The following DNMT1 variants were observed in gnomAD, a reference collection of about 807,000 sequenced individuals.
The protein encoded by DNMT1 is DNA (cytosine-5)-methyltransferase 1.
DNMT1 carries 24 observed loss-of-function variants against 205.3 expected under a neutral mutation model. The ratio of observed to expected loss-of-function variants is 0.12; its 90% confidence interval spans 0.08 to 0.16. The LOEUF is 0.16. Ranked by LOEUF, DNMT1 falls within the 10% of genes least tolerant of loss-of-function variation. DNMT1 has a pLI of 1.00. For missense variants in DNMT1, 1,293 were observed against 2,177.7 expected (o/e 0.59, Z 8.09); for synonymous variants, 817 against 839.8 (o/e 0.97, Z 0.47).
chr19:10,155,361 A>G (rs1037501125), intron 19 of DNMT1, among the ~76,000 whole-genome samples: 4 of 151,404 alleles, frequency 2.6e-5, no homozygotes, highest in Non-Finnish European at 5.9e-5. Context: ...AGGGGAGGAC[A>G]GAGTCTTGCT....
chr19:10,151,458 G>A lies in DNMT1; in HGVS notation c.2205C>T (p.His735=), dbSNP rs750971646. The change falls in exon 24 of 41, where the codon CAC becomes CAT. Residue 735 remains histidine (H), a synonymous_variant. Coordinates refer to ENST00000359526, the MANE Select transcript of DNMT1 (RefSeq NM_001130823.3). This position sits in a 1 kb window ranked among gnomAD's most constrained non-coding sequence, Gnocchi z 5.0. ...TGTTCTGTTTCTTCTTCTTCCCCTG[G>A]TGCATTTTTTTGGGTGACGGCATCT... The part of the protein sequence containing the change: ...IPEMPSPKKM[H]QGKKKKQNKN... The A allele has an allele frequency of 9.9e-6, 16 of 1,614,064 alleles. No individual in the cohort carries two copies. In the Admixed American group the frequency reaches 1.5e-4, roughly 15 times the overall value.
chr19:10,147,645 A>G (rs143196914), intron 27 of DNMT1, among the ~76,000 whole-genome samples: 2,703 of 152,110 alleles, frequency 0.018, 93 homozygotes, highest in African/African-American at 0.062. Context: ...AATAGAGATC[A>G]AGCCAAAGCT....
At chr19:10,160,253 A>G (rs2038540989) in intron 14 of DNMT1, 131 bp downstream of exon 14, 2 of 1,528,034 alleles carry the variant, frequency 1.3e-6, no homozygotes, top group Non-Finnish European at 8.9e-7. Flanking sequence ...CCTTGGTCCT[A>G]TGTTCACCAA....
intron 9 of DNMT1, 106 bp from the exon 10 acceptor site, chr19:10,168,470 C>G (rs2145345474): frequency 1.7e-6 from 2 of 1,185,824 alleles, no homozygotes; most frequent in Non-Finnish European, 2.5e-6. Context: ...CTAGAGTCCA[C>G]TGGTGGGAGT....
In DNMT1 at chr19:10,135,579, G is replaced by A. The variant is rs761602800; in HGVS notation, c.4773+157C>T. 1.3e-5 allele frequency: 10 copies of A among 754,330 alleles called. No individual in the cohort carries two copies. In the South Asian group the frequency reaches 1.5e-4, roughly 12 times the overall value. The allele number at this position is 754,330 out of a possible 1,614,324, so 46.7% of individuals were successfully genotyped here. On this transcript the variant is annotated intron_variant, in intron 39 of 40. Transcript: ENST00000359526. ...AGCCTGACTCGGATGTCTCAGCACT[G>A]TCCCTCCTGTGGGCCGTCTTCCCAC...
Position 10,160,080 on chromosome 19 carries a change from A to C in DNMT1, c.1044-17T>G. On this transcript the variant is annotated splice_polypyrimidine_tract_variant and intron_variant, in intron 14 of 40. Coordinates refer to ENST00000359526, the MANE Select transcript of DNMT1 (RefSeq NM_001130823.3). ...TTCTCCGTTCTGGGGGAAAAAAAAAAATCACAAGATCGTTTGTTTAATTGT... is the reference window on the plus strand; with the variant it reads ...TTCTCCGTTCTGGGGGAAAAAAAAACATCACAAGATCGTTTGTTTAATTGT... The C allele has an allele frequency of 6.3e-7, 1 of 1,589,494 alleles. No homozygotes were observed. The highest frequency in any genetic ancestry group is 2.3e-5 in the East Asian group (1 of 43,122).
intron 1 of DNMT1, among the ~76,000 whole-genome samples, chr19:10,183,346 C>G (rs2039117691): frequency 6.6e-6 from 1 of 151,882 alleles, no homozygotes; most frequent in African/African-American, 2.4e-5. Context: ...AACTCCCGAC[C>G]TCAGGCGATC....
intron 27 of DNMT1, among the ~76,000 whole-genome samples, chr19:10,147,835 C>T (rs930673477): frequency 2.6e-5 from 4 of 151,764 alleles, no homozygotes; most frequent in East Asian, 1.9e-4. Context: ...AAAAGCTCGC[C>T]GGGCGCGGTG....
At chr19:10,145,982 C>T (rs2038191337) in intron 28 of DNMT1, among the ~76,000 whole-genome samples, 2 of 152,080 alleles carry the variant, frequency 1.3e-5, no homozygotes, top group African/African-American at 4.8e-5. Context: ...GCGCGCACCA[C>T]CACACCCGGC....
Position 10,142,228 on chromosome 19 carries a change from C to T in DNMT1, c.3117-8G>A, listed in dbSNP as rs769623856. On this transcript the variant is annotated splice_region_variant and splice_polypyrimidine_tract_variant and intron_variant, in intron 29 of 40. Transcript: ENST00000359526. Reference sequence around the variant, plus strand: ...TTGTGGGTGTTCTCAGGCCTGCGAGCGGGAGAGGCCTCGTTAGGAGCTCTC... The same window carrying T: ...TTGTGGGTGTTCTCAGGCCTGCGAGTGGGAGAGGCCTCGTTAGGAGCTCTC... The T allele has an allele frequency of 8.7e-6, 14 of 1,613,680 alleles. No homozygotes were observed. Among genetic ancestry groups the T allele is most frequent in the Middle Eastern group, 1.6e-4 (1 of 6,084 alleles).
At chr19:10,163,855 C>A (rs1400607821) in intron 11 of DNMT1, among the ~76,000 whole-genome samples, 2 of 152,242 alleles carry the variant, frequency 1.3e-5, no homozygotes, top group East Asian at 1.9e-4. Flanking sequence ...CCAGCCTGGG[C>A]AACATGCTGA....
chr19:10,146,642 T>C lies in DNMT1; in HGVS notation c.2721-118A>G, dbSNP rs2038210557. 3.0e-6 allele frequency: 4 copies of C among 1,326,314 alleles called. No homozygotes were observed. The highest frequency in any genetic ancestry group is 4.2e-5 in the Admixed American group (2 of 47,180). 82.2% of individuals were successfully genotyped at this position (1,326,314 alleles called of 1,614,324 possible). A position where few individuals can be genotyped will look rare whatever the true frequency, so the allele number is the denominator to read the frequency against. On this transcript the variant is annotated intron_variant, in intron 27 of 40. Transcript: ENST00000359526. The surrounding 1 kb of genome is among the most constrained non-coding windows in gnomAD (Gnocchi z 4.4). ...ACCAAGAGGAAAAAACATTTGCAGA[T>C]GCTAGAAGGAAGAGGTGGCTTTCTT...
chr19:10,141,714 G>A, intron 30 of DNMT1: 1 of 387,570 alleles, frequency 2.6e-6, no homozygotes, highest in Non-Finnish European at 4.8e-6. Flanking sequence ...AGTCAGGCTG[G>A]TGGAAGCTGC....
intron 9 of DNMT1, among the ~76,000 whole-genome samples, chr19:10,170,543 C>G (rs1011308657): frequency 2.0e-5 from 3 of 152,064 alleles, no homozygotes; most frequent in Admixed American, 1.3e-4. Context: ...ACTCGGGAGG[C>G]TAAGGCAGGA....
intron 5 of DNMT1, among the ~76,000 whole-genome samples, chr19:10,177,933 T>TAA (rs937561804): frequency 8.7e-5 from 10 of 115,032 alleles, no homozygotes; most frequent in Admixed American, 6.6e-4. Context: ...CCCTGTCTCT[T>TAA]AAAAAAAAAA....
chr19:10,193,700 G>C (rs1195088248), intron 1 of DNMT1, among the ~76,000 whole-genome samples: 1 of 151,844 alleles, frequency 6.6e-6, no homozygotes, highest in Middle Eastern at 3.2e-3. Context: ...AAAAAAGCGG[G>C]GGTTGAACCA....
chr19:10,162,563 C>G (rs1316544774), intron 13 of DNMT1, 104 bp downstream of exon 13: 2 of 1,262,554 alleles, frequency 1.6e-6, no homozygotes, highest in East Asian at 5.0e-5. Flanking sequence ...CGCCACCACG[C>G]CCAGTCTTCT....
intron 24 of DNMT1, 36 bp from the exon 25 acceptor site, chr19:10,150,004 C>T (rs750360820): frequency 3.1e-6 from 5 of 1,589,538 alleles, no homozygotes; most frequent in Non-Finnish European, 3.5e-6. Context: ...GAGGATCATT[C>T]TGAGGGTCTT....
chr19:10,135,746 T>C lies in DNMT1; in HGVS notation c.4763A>G (p.Lys1588Arg). Residue 1588 changes from lysine to arginine, a missense_variant, in exon 39 of 41, where the codon AAG becomes AGG. By Grantham distance (26) the Lys-to-Arg change is conservative. This residue lies in a region of DNMT1 where 24 missense variants were observed against 58.0 expected (regional missense o/e 0.41). Coordinates refer to ENST00000359526, the MANE Select transcript of DNMT1 (RefSeq NM_001130823.3). ...CGCCGCCCCACTGACCTGCCGGTGC[T>C]TGTCCAGGATGTTGCCGAAGAGCCG... is the stretch of plus-strand genomic sequence containing the variant. ...TYRLFGNILD[K>R]HRQVGNAVPP... 2.5e-6 allele frequency: 4 copies of C among 1,607,106 alleles called. No homozygotes were observed. The highest frequency in any genetic ancestry group is 3.4e-6 in the Non-Finnish European group (4 of 1,178,134).
Sources: gnomAD v4.1 joint callset for allele counts (sites outside exome capture counted in the v4.1 genomes callset) on GRCh38, gnomAD v4.1.1 for gene constraint, gnomAD v4.1.1 regional missense constraint, Gnocchi (gnomAD v3.1) non-coding constraint, MANE v1.5 for transcripts, NCBI Gene and HGNC (gene_info 2026-07-23, HGNC 2026-07-21) for gene names.